The following DMXL2 variants were observed in gnomAD, a reference collection of about 807,000 sequenced individuals.
DMXL2 encodes the protein Dmx like 2.
A neutral mutation model predicts 331.1 loss-of-function variants in DMXL2; 103 were observed. The observed-to-expected ratio is 0.31, with a 90% CI of 0.27 to 0.37. DMXL2 has a LOEUF of 0.37. Ranked by LOEUF, DMXL2 falls within the 10% of genes least tolerant of loss-of-function variation. The pLI, the probability that DMXL2 is intolerant of heterozygous loss-of-function variation, is 1.00. For synonymous variants in DMXL2, 1,281 were observed against 1,252.1 expected, an observed-to-expected ratio of 1.02 and a Z score of -0.49; for missense variants, 3,171 against 3,642.9, an observed-to-expected ratio of 0.87 and a Z score of 3.33.
Position 51,576,071 on chromosome 15 carries a change from A to G in DMXL2, c.198T>C (p.Ser66=). 3.1e-6 allele frequency: 5 copies of G among 1,608,848 alleles called. No individual in the cohort carries two copies. Among genetic ancestry groups the G allele is most frequent in the Non-Finnish European group, 4.2e-6 (5 of 1,178,312 alleles). ...AATCCCTTACTCTTCCTTGTTGGTT[A>G]GAACACTCCACACAGCTGACTTGGA... ...GNIQVSCVEC[S]NQQGRIAASY... Residue 66 remains serine (S), a synonymous_variant, in exon 2 of 44, where the codon TCT becomes TCC. Transcript: ENST00000560891.
At chr15:51,457,108 G>A (rs1285273414) in intron 37 of DMXL2, among the ~76,000 whole-genome samples, 1 of 152,206 alleles carries the variant, frequency 6.6e-6, no homozygotes, top group Admixed American at 6.5e-5. Flanking sequence ...GGAGGTCAAG[G>A]CTGCAGTGAG....
Position 51,564,195 on chromosome 15 carries a change from C to G in DMXL2, c.430G>C (p.Glu144Gln), listed in dbSNP as rs35097381. 1.6e-3 allele frequency: 2,539 copies of G among 1,608,816 alleles called. 34 individuals carry two copies. In the African/African-American group the frequency reaches 0.03, roughly 19 times the overall value. ...LWAPPGDDIL[E>Q]EEEEIDNTVP... ...GTATTATCAATTTCTTCCTCCTCTT[C>G]CAGAATATCATCTCCTGGAGGAGCC... The change falls in exon 5 of 44, where the codon GAA becomes CAA. Residue 144 changes from glutamate to glutamine, a missense_variant. Physicochemically the swap from Glu to Gln is conservative, Grantham distance 29. This residue lies in a region of DMXL2 where 1,674 missense variants were observed against 1,780.2 expected (regional missense o/e 0.94). Coordinates refer to ENST00000560891, the MANE Select transcript of DMXL2 (RefSeq NM_001378457.1).
intron 2 of DMXL2, among the ~76,000 whole-genome samples, chr15:51,569,551 G>A (rs997948319): frequency 2.0e-5 from 3 of 152,176 alleles, no homozygotes; most frequent in Non-Finnish European, 4.4e-5. Flanking sequence ...CTCACAGTAG[G>A]GGCCTACAGA....
In DMXL2 at chr15:51,456,433, T is replaced by G. The variant is rs1034594894; in HGVS notation, c.8338-64A>C. On this transcript the variant is annotated intron_variant, in intron 37 of 43. Transcript: ENST00000560891. The stretch of plus-strand genomic sequence containing the variant: ...CAGAAAAGATGAGGAAGGATATGCT[T>G]CAGGATAAATTCTGACATTTATTCT... 5 of 987,908 alleles carry G rather than the reference T, an allele frequency of 5.1e-6. No individual in the cohort carries two copies. In the African/African-American group the frequency reaches 6.6e-5, roughly 13 times the overall value. The allele number at this position is 987,908 out of a possible 1,614,324, so 61.2% of individuals were successfully genotyped here.
At chr15:51,449,375 C>G (rs978702794) in intron 43 of DMXL2, among the ~76,000 whole-genome samples, 182 bp from the exon 44 acceptor site, 1 of 152,160 alleles carries the variant, frequency 6.6e-6, no homozygotes, top group Non-Finnish European at 1.5e-5. Flanking sequence ...CATTTACTGT[C>G]CTCCTTCCAT....
intron 13 of DMXL2, among the ~76,000 whole-genome samples, chr15:51,522,269 A>ACTTCAAG (rs2047420908): frequency 6.6e-6 from 1 of 152,254 alleles, no homozygotes; most frequent in Non-Finnish European, 1.5e-5. Context: ...AGATCTAATG[A>ACTTCAAG]CTTCAAGTAC....
chr15:51,618,009 C>T (rs989773250), intron 1 of DMXL2, among the ~76,000 whole-genome samples: 1 of 152,188 alleles, frequency 6.6e-6, no homozygotes, highest in African/African-American at 2.4e-5. Flanking sequence ...ACTCCAAGAA[C>T]AAAAAGGCCA....
chr15:51,547,475 A>C, intron 6 of DMXL2, 67 bp from the exon 7 acceptor site: 1 of 1,198,636 alleles, frequency 8.3e-7, no homozygotes, highest in Non-Finnish European at 1.1e-6. Context: ...AAGTGGTTTG[A>C]AGAAGTTTTA....
chr15:51,462,779 C>T (rs993592988), intron 33 of DMXL2, among the ~76,000 whole-genome samples: 2 of 152,154 alleles, frequency 1.3e-5, no homozygotes, highest in African/African-American at 2.4e-5. Flanking sequence ...AGGAAGAGGT[C>T]ACTTGCCAAT....
chr15:51,481,588 A>G lies in DMXL2; in HGVS notation c.5518T>C (p.Phe1840Leu), dbSNP rs1428792946. Reference protein sequence around the residue: ...IKSCNPVAFSFYNYLRTHPLL... With the variant: ...IKSCNPVAFSLYNYLRTHPLL... Reference sequence around the variant, plus strand: ...GGATGAGTTCGAAGGTAGTTATAAAAACTAAATGCCACCGGGTTACAAGAC... The same window carrying G: ...GGATGAGTTCGAAGGTAGTTATAAAGACTAAATGCCACCGGGTTACAAGAC... Residue 1840 changes from phenylalanine to leucine, a missense_variant, in exon 24 of 44, where the codon TTT (phenylalanine) becomes CTT (leucine). Physicochemically the swap from Phe to Leu is conservative, Grantham distance 22. Coordinates refer to ENST00000560891, the MANE Select transcript of DMXL2 (RefSeq NM_001378457.1). 5 of 1,573,214 alleles carry G rather than the reference A, an allele frequency of 3.2e-6. No individual in the cohort carries two copies. The highest frequency in any genetic ancestry group is 4.3e-6 in the Non-Finnish European group (5 of 1,164,610).
At chr15:51,605,211 AT>A (rs1164759057) in intron 1 of DMXL2, among the ~76,000 whole-genome samples, 1 of 151,822 alleles carries the variant, frequency 6.6e-6, no homozygotes, top group Admixed American at 6.6e-5. Flanking sequence ...AAATATATGT[AT>A]TTTTTTTAAA....
At chr15:51,566,654 T>TG (rs1263339148) in intron 3 of DMXL2, among the ~76,000 whole-genome samples, 1 of 152,142 alleles carries the variant, frequency 6.6e-6, no homozygotes, top group Non-Finnish European at 1.5e-5. Context: ...TATACTGTTT[T>TG]GGGGGAATGT....
In DMXL2 at chr15:51,491,653, C is replaced by G. The variant is rs754695396; in HGVS notation, c.4878G>C (p.Gln1626His). The G allele has an allele frequency of 1.1e-5, 17 of 1,613,628 alleles. No individual in the cohort carries two copies. The East Asian group carries it at 1.1e-4, about 11-fold the overall frequency. The stretch of plus-strand genomic sequence containing the variant: ...TGCCCATAGCTCTTAATTCAGACCA[C>G]TGGGGGTCCCCTCTCTGAATTGCTG... ...MIPAIQRGDP[Q>H]WSELRAMGIG... The change falls in exon 20 of 44, where the codon CAG (glutamine) becomes CAC (histidine). Residue 1626 changes from glutamine to histidine, a missense_variant. Physicochemically the swap from Gln to His is conservative, Grantham distance 24. This residue lies in a region of DMXL2 where 252 missense variants were observed against 387.4 expected (regional missense o/e 0.65). Transcript: ENST00000560891.
At chr15:51,587,356 C>A (rs953158523) in intron 1 of DMXL2, among the ~76,000 whole-genome samples, 1 of 151,502 alleles carries the variant, frequency 6.6e-6, no homozygotes, top group African/African-American at 2.4e-5. Context: ...ATGTGATGTT[C>A]TCCTTCCTGT....
chr15:51,487,423 CAT>C lies in DMXL2; in HGVS notation c.5217+529_5217+530del, dbSNP rs202030578. ...CAGCATTTTTTTCATATATTTTACACATAGTCTTGAAATGCAATGTGCCATAT... is the reference window on the plus strand; with the variant it reads ...CAGCATTTTTTTCATATATTTTACACAGTCTTGAAATGCAATGTGCCATAT... On this transcript the variant is annotated intron_variant, in intron 22 of 43. Transcript: ENST00000560891. 5.4e-3 allele frequency among the ~76,000 whole-genome samples: 797 copies of C among 148,774 alleles called. 9 individuals carry two copies. Among genetic ancestry groups the C allele is most frequent in the African/African-American group, 0.018 (737 of 41,260 alleles).
chr15:51,599,514 A>G (rs1414958032), intron 1 of DMXL2, among the ~76,000 whole-genome samples: 3 of 152,258 alleles, frequency 2.0e-5, no homozygotes, highest in East Asian at 3.8e-4. Flanking sequence ...TCATATCTAC[A>G]TATCTCTATA....
chr15:51,471,492 A>G, intron 28 of DMXL2, 91 bp from the exon 29 acceptor site: 1 of 1,278,400 alleles, frequency 7.8e-7, no homozygotes, highest in Non-Finnish European at 1.1e-6. Flanking sequence ...TACTCTTGCC[A>G]TGTTTTGGTC....
chr15:51,570,149 C>A (rs377212412), intron 2 of DMXL2, among the ~76,000 whole-genome samples: 13 of 151,970 alleles, frequency 8.6e-5, no homozygotes, highest in African/African-American at 2.9e-4. Flanking sequence ...GAAACATACA[C>A]AAGTTATCAA....
At chr15:51,597,316 T>G (rs1372233912) in intron 1 of DMXL2, among the ~76,000 whole-genome samples, 2 of 152,226 alleles carry the variant, frequency 1.3e-5, no homozygotes, top group African/African-American at 4.8e-5. Flanking sequence ...CACTACCCTT[T>G]TTGGGAAATC....
Sources: allele counts gnomAD v4.1 joint callset (sites outside exome capture counted in the v4.1 genomes callset), GRCh38; gene constraint gnomAD v4.1.1; regional missense constraint gnomAD v4.1.1; transcripts MANE v1.5; gene names NCBI Gene and HGNC (gene_info 2026-07-23, HGNC 2026-07-21).